GNAQ: variants seen among roughly 807,000 people sequenced by gnomAD.
The protein encoded by GNAQ is guanine nucleotide-binding protein G(q) subunit alpha.
Under a neutral mutation model 43.9 loss-of-function variants are expected in GNAQ, and 8 were observed. The observed-to-expected ratio is 0.18, with a 90% CI of 0.11 to 0.33. GNAQ has a LOEUF of 0.33. Ranked by LOEUF, GNAQ falls within the 10% of genes least tolerant of loss-of-function variation. The probability of loss-of-function intolerance (pLI) is 1.00; values close to 1 mark genes in which losing one functional copy is unlikely to be tolerated. For synonymous variants in GNAQ, 155 were observed against 170.7 expected (o/e 0.91, Z 0.71); for missense variants, 158 against 450.8 (o/e 0.35, Z 5.88).
At chr9:77,999,564 A>G (rs541415626) in intron 1 of GNAQ, among the ~76,000 whole-genome samples, 7 of 152,360 alleles carry the variant, frequency 4.6e-5, no homozygotes, top group African/African-American at 1.7e-4. Flanking sequence ...TAGGCCTCCT[A>G]AGATAAAATC....
Position 77,720,521 on chromosome 9 carries a change from A to G in GNAQ, c.*802T>C. ...TGCAATTGAAAGAGAGGGTAAGAAA[A>G]AGAAGCAAAGAAGGGAGGAAAGACA... On this transcript the variant is annotated 3_prime_UTR_variant, in exon 7 of 7. Coordinates refer to ENST00000286548, the MANE Select transcript of GNAQ (RefSeq NM_002072.5). 1 of 233,506 alleles carries G rather than the reference A, an allele frequency of 4.3e-6. No individual in the cohort carries two copies. Among genetic ancestry groups the G allele is most frequent in the Non-Finnish European group, 8.5e-6 (1 of 117,960 alleles). 14.5% of individuals were successfully genotyped at this position (233,506 alleles called of 1,614,324 possible). A position where few individuals can be genotyped will look rare whatever the true frequency, so the allele number is the denominator to read the frequency against.
At chr9:77,915,403 C>T (rs552575052) in intron 2 of GNAQ, among the ~76,000 whole-genome samples, 1 of 152,260 alleles carries the variant, frequency 6.6e-6, no homozygotes, top group South Asian at 2.1e-4. Flanking sequence ...CTGAGGTTTT[C>T]CTTAAATACC....
chr9:77,854,499 T>C (rs1426417628), intron 2 of GNAQ, among the ~76,000 whole-genome samples: 1 of 152,200 alleles, frequency 6.6e-6, no homozygotes, highest in East Asian at 1.9e-4. Context: ...ATCTGCTCAT[T>C]AATTGCTTCA....
chr9:77,919,246 T>C (rs1828960747), intron 2 of GNAQ, among the ~76,000 whole-genome samples: 2 of 152,136 alleles, frequency 1.3e-5, no homozygotes, highest in Admixed American at 1.3e-4. Flanking sequence ...TTCAAAAAGA[T>C]GTATTTTTTG....
intron 1 of GNAQ, among the ~76,000 whole-genome samples, 183 bp downstream of exon 1, chr9:78,030,917 G>GTGTC (rs542577803): frequency 4.0e-5 from 6 of 150,548 alleles, no homozygotes; most frequent in African/African-American, 1.5e-4. Flanking sequence ...GTGTGTGTGT[G>GTGTC]TGTCTGTGTG....
intron 6 of GNAQ, among the ~76,000 whole-genome samples, chr9:77,726,258 A>T (rs951498809): frequency 1.3e-5 from 2 of 152,220 alleles, no homozygotes; most frequent in Non-Finnish European, 2.9e-5. Context: ...AGACTGAGAA[A>T]GTGTTTTTCA....
chr9:77,952,717 G>C (rs1822997209), intron 1 of GNAQ, among the ~76,000 whole-genome samples: 1 of 152,158 alleles, frequency 6.6e-6, no homozygotes, highest in Non-Finnish European at 1.5e-5. Context: ...AAATCAGAAA[G>C]TGTCAGTTGA....
intron 5 of GNAQ, among the ~76,000 whole-genome samples, chr9:77,769,338 GT>G (rs1347560606): frequency 6.6e-6 from 1 of 151,758 alleles, no homozygotes; most frequent in African/African-American, 2.4e-5. Context: ...GGAAATGGAG[GT>G]TGCAGTGAGC....
chr9:77,758,494 C>T (rs1405395002), intron 5 of GNAQ, among the ~76,000 whole-genome samples: 1 of 152,100 alleles, frequency 6.6e-6, no homozygotes, highest in African/African-American at 2.4e-5. Flanking sequence ...AACTAAATTG[C>T]TAATTTTAAA....
intron 1 of GNAQ, among the ~76,000 whole-genome samples, chr9:78,019,935 A>AG (rs1162297295): frequency 1.3e-5 from 2 of 151,400 alleles, no homozygotes; most frequent in Admixed American, 1.3e-4. Flanking sequence ...AAAAAAAAAA[A>AG]AAAAAAAGAA....
chr9:77,987,812 C>CT (rs1392942569), intron 1 of GNAQ, among the ~76,000 whole-genome samples: 5 of 152,164 alleles, frequency 3.3e-5, no homozygotes, highest in Non-Finnish European at 7.3e-5. Context: ...AGGAGGATCA[C>CT]TTAAGCCCAG....
At chr9:78,002,655 T>C (rs1484078566) in intron 1 of GNAQ, among the ~76,000 whole-genome samples, 2 of 152,202 alleles carry the variant, frequency 1.3e-5, no homozygotes, top group Non-Finnish European at 2.9e-5. Flanking sequence ...CGCAGGTAAA[T>C]TTCTACATCT....
At chr9:77,900,008 G>A (rs1828576189) in intron 2 of GNAQ, among the ~76,000 whole-genome samples, 1 of 152,172 alleles carries the variant, frequency 6.6e-6, no homozygotes, top group African/African-American at 2.4e-5. Context: ...ACTCTGGGAT[G>A]TACTCAGCCC....
intron 1 of GNAQ, among the ~76,000 whole-genome samples, chr9:78,011,534 T>C (rs1027787236): frequency 6.6e-6 from 1 of 152,198 alleles, no homozygotes; most frequent in African/African-American, 2.4e-5. Flanking sequence ...TAACAAAATG[T>C]GCATTGTTGA....
chr9:77,726,483 T>C (rs1419337873), intron 6 of GNAQ, among the ~76,000 whole-genome samples: 1 of 152,196 alleles, frequency 6.6e-6, no homozygotes, highest in African/African-American at 2.4e-5. Flanking sequence ...CCACATTCCA[T>C]GTGGGATGAA....
chr9:77,930,969 T>C (rs1244101860), intron 1 of GNAQ, among the ~76,000 whole-genome samples: 4 of 151,940 alleles, frequency 2.6e-5, no homozygotes, highest in Non-Finnish European at 5.9e-5. Context: ...CTGGGAACTG[T>C]GCATGCGAAG....
intron 2 of GNAQ, among the ~76,000 whole-genome samples, chr9:77,856,532 T>C (rs943096141): frequency 9.2e-5 from 14 of 152,164 alleles, no homozygotes; most frequent in African/African-American, 2.7e-4. Context: ...TAGTTTACAA[T>C]TGGCAGCAGG....
intron 1 of GNAQ, among the ~76,000 whole-genome samples, chr9:77,932,089 A>G (rs551140780): frequency 1.6e-4 from 25 of 152,330 alleles, no homozygotes; most frequent in African/African-American, 5.5e-4. Context: ...ACTATGTTGC[A>G]CCATATTGGC....
chr9:77,949,852 C>T (rs1433111914), intron 1 of GNAQ, among the ~76,000 whole-genome samples: 1 of 152,180 alleles, frequency 6.6e-6, no homozygotes, highest in Non-Finnish European at 1.5e-5. Flanking sequence ...GTTCAGAATC[C>T]TATTCTCCAA....
Sources: gnomAD v4.1 joint callset for allele counts (sites outside exome capture counted in the v4.1 genomes callset) on GRCh38, gnomAD v4.1.1 for gene constraint, MANE v1.5 for transcripts, NCBI Gene and HGNC (gene_info 2026-07-23, HGNC 2026-07-21) for gene names.